SF1: variants seen among roughly 807,000 people sequenced by gnomAD.
The protein encoded by SF1 is splicing factor 1.
SF1 carries 7 observed loss-of-function variants against 62.5 expected under a neutral mutation model. The ratio of observed to expected loss-of-function variants is 0.11; its 90% CI spans 0.06 to 0.21. SF1 has a LOEUF of 0.21. Ranked by LOEUF, SF1 falls within the 10% of genes least tolerant of loss-of-function variation. The pLI is 1.00. For missense variants in SF1, 578 were observed against 884.0 expected (o/e 0.65, Z 4.39); for synonymous variants, 394 against 323.6 (o/e 1.22, Z -2.33).
chr11:64,778,428 C>T lies in SF1; in HGVS notation c.-36G>A, dbSNP rs1051724161. The T allele has an allele frequency of 1.0e-4, 122 of 1,222,828 alleles. No homozygotes were observed. Among genetic ancestry groups the T allele is most frequent in the Non-Finnish European group, 1.2e-4 (114 of 981,096 alleles). The allele number at this position is 1,222,828 out of a possible 1,614,324, so 75.7% of individuals were successfully genotyped here. ...GGGACAGGCACCGGCACCTGCTTTT[C>T]CTCTGCGGCGGCTTCTCCTTCGCAA... On this transcript the variant is annotated 5_prime_UTR_variant, in exon 1 of 13. Transcript: ENST00000377390.
Position 64,770,063 on chromosome 11 carries a change from A to T in SF1, c.390-10T>A, listed in dbSNP as rs1938057524. 6.2e-7 allele frequency: 1 copy of T among 1,610,846 alleles called. No homozygotes were observed. Among genetic ancestry groups the T allele is most frequent in the African/African-American group, 1.3e-5 (1 of 74,964 alleles). ...ACGTGTTGCTGGAGGTCTAAGAAAG[A>T]AAAGCCTGTGTCACCGCACATTTCT... On this transcript the variant is annotated splice_polypyrimidine_tract_variant and intron_variant, in intron 4 of 12. Coordinates refer to ENST00000377390, the MANE Select transcript of SF1 (RefSeq NM_004630.4).
chr11:64,777,836 C>CCG (rs1370746463), intron 1 of SF1: 1 of 959,348 alleles, frequency 1.0e-6, no homozygotes, highest in Admixed American at 6.2e-5. Context: ...TAGAACCAGG[C>CCG]CGCGCGCGCC....
rs368759785 is a variant in SF1, at chr11:64,767,638, C to T, written c.1275G>A (p.Met425Ile). Reference protein sequence around the residue: ...HNPNGPPPPWMQPPPPPMNQG... With the variant: ...HNPNGPPPPWIQPPPPPMNQG... ...GGTTCATCGGTGGTGGTGGTGGCTGCATCCAAGGGGGTGGGGGTCCATTGG... is the reference window on the plus strand; with the variant it reads ...GGTTCATCGGTGGTGGTGGTGGCTGTATCCAAGGGGGTGGGGGTCCATTGG... The change falls in exon 10 of 13, where the codon ATG becomes ATA. Residue 425 changes from methionine (M) to isoleucine (I), a missense_variant. By Grantham distance (10) the Met-to-Ile change is conservative. Coordinates refer to ENST00000377390, the MANE Select transcript of SF1 (RefSeq NM_004630.4). The T allele has an allele frequency of 6.3e-7, 1 of 1,592,106 alleles. No individual in the cohort carries two copies. Among genetic ancestry groups the T allele is most frequent in the African/African-American group, 1.4e-5 (1 of 73,732 alleles).
chr11:64,767,734 G>A lies in SF1; in HGVS notation c.1179C>T (p.Gly393=), dbSNP rs1289632159. The change falls in exon 10 of 13, where the codon GGC becomes GGT. Residue 393 remains glycine (G), a synonymous_variant. Coordinates refer to ENST00000377390, the MANE Select transcript of SF1 (RefSeq NM_004630.4). ...HGGGPGGPGG[G]PHSFPHPLPS... is the part of the protein sequence containing the mutation. The stretch of plus-strand genomic sequence containing the variant: ...GTAATGGGTGTGGGAAGCTGTGGGG[G>A]CCACCTCCGGGCCCACCAGGACCAC... 6.2e-7 allele frequency: 1 copy of A among 1,612,900 alleles called. No individual in the cohort carries two copies. The highest frequency in any genetic ancestry group is 8.5e-7 in the Non-Finnish European group (1 of 1,179,508).
At position 64,765,610 on chromosome 11, in the gene SF1, G is replaced by A. The variant is rs1027885733; in HGVS notation, c.*208C>T. On this transcript the variant is annotated 3_prime_UTR_variant, in exon 13 of 13. Transcript: ENST00000377390. ...CTCGATGCTACGGGGCGCCAGGAGA[G>A]CCCAAGCTGGCGCCCCTACTACCAC... 1.3e-6 allele frequency: 2 copies of A among 1,502,126 alleles called. No individual in the cohort carries two copies. Among genetic ancestry groups the A allele is most frequent in the Non-Finnish European group, 1.8e-6 (2 of 1,134,646 alleles). The allele number at this position is 1,502,126 out of a possible 1,614,324, so 93.0% of individuals were successfully genotyped here.
intron 1 of SF1, chr11:64,778,150 C>T (rs1018096721): frequency 1.2e-6 from 1 of 815,648 alleles, no homozygotes; most frequent in South Asian, 5.7e-5. Flanking sequence ...GCGGCGGCTG[C>T]TGGGGAGGCG....
intron 10 of SF1, 125 bp from the exon 11 acceptor site, chr11:64,767,376 C>CT: frequency 9.2e-7 from 1 of 1,091,134 alleles, no homozygotes; most frequent in Non-Finnish European, 1.4e-6. Context: ...AAAGGCAGGT[C>CT]TGTGCTTACC....
In SF1 at chr11:64,776,628, TA is replaced by T. The variant is rs1301155367; in HGVS notation, c.32-3del. ...TCTTCCGCTTCTTACTTGGGAAGTCTAAAAGGCAGAGACAAAATCCATCCGA... is the reference window on the plus strand; with the variant it reads ...TCTTCCGCTTCTTACTTGGGAAGTCTAAAGGCAGAGACAAAATCCATCCGA... On this transcript the variant is annotated splice_region_variant and splice_polypyrimidine_tract_variant and intron_variant, in intron 1 of 12. Coordinates refer to ENST00000377390, the MANE Select transcript of SF1 (RefSeq NM_004630.4). 1.2e-6 allele frequency: 2 copies of T among 1,603,944 alleles called. No individual in the cohort carries two copies. The highest frequency in any genetic ancestry group is 2.3e-5 in the South Asian group (2 of 88,694).
Position 64,767,678 on chromosome 11 carries a change from G to T in SF1, c.1235C>A (p.Pro412His), listed in dbSNP as rs1335942287. ...GGGTCCATTGGGGTTGTGCTGCATG[G>T]GATGTCCACCATGCCCACCTGTCAG... ...PSLTGGHGGHPMQHNPNGPPP... is the reference protein window; with the variant it reads ...PSLTGGHGGHHMQHNPNGPPP... The change falls in exon 10 of 13, where the codon CCC becomes CAC. Residue 412 changes from proline (P) to histidine (H), a missense_variant. Pro to His is a moderately conservative substitution (Grantham distance 77). Around this residue, in one of 7 missense-constraint regions of SF1, gnomAD observed 410 missense variants for 452.4 expected, o/e 0.91. Coordinates refer to ENST00000377390, the MANE Select transcript of SF1 (RefSeq NM_004630.4). 4.3e-6 allele frequency: 7 copies of T among 1,609,790 alleles called. No homozygotes were observed. The Admixed American group carries it at 6.8e-5, about 16-fold the overall frequency.
At chr11:64,766,853 C>CCCCCCCCCAA in intron 12 of SF1, 47 bp downstream of exon 12, 1 of 673,438 alleles carries the variant, frequency 1.5e-6, no homozygotes, top group Non-Finnish European at 2.6e-6. Flanking sequence ...CCTGTCAGCC[C>CCCCCCCCCAA]CACCCCCATC....
intron 3 of SF1, chr11:64,772,724 A>G (rs991824071): frequency 1.0e-6 from 1 of 983,480 alleles, no homozygotes; most frequent in African/African-American, 1.7e-5. Flanking sequence ...CCCCCACACA[A>G]TTTATTTTTC....
intron 12 of SF1, chr11:64,766,459 C>G (rs1026144648): frequency 1.0e-5 from 5 of 491,064 alleles, no homozygotes; most frequent in Non-Finnish European, 1.4e-5. Context: ...GCCGCCGCCA[C>G]CACCGAACGG....
rs778022442 is a variant in SF1 at position 64,767,768 on chromosome 11, A to G, written c.1145T>C (p.Met382Thr). ...GGGCCCACCAGGACCACCTCCATGCATGCCGTGGTAGGGCCGACTCTCTGA... is the reference window on the plus strand; with the variant it reads ...GGGCCCACCAGGACCACCTCCATGCGTGCCGTGGTAGGGCCGACTCTCTGA... The part of the protein sequence containing the change: ...GPSESRPYHG[M>T]HGGGPGGPGG... Residue 382 changes from methionine (M) to threonine (T), a missense_variant, in exon 10 of 13, where the codon ATG (methionine) becomes ACG (threonine). By Grantham distance (81) the Met-to-Thr change is moderately conservative. This residue lies in a region of SF1 where 410 missense variants were observed against 452.4 expected (regional missense o/e 0.91). Transcript: ENST00000377390. 6.2e-7 allele frequency: 1 copy of G among 1,613,702 alleles called. No individual in the cohort carries two copies. Among genetic ancestry groups the G allele is most frequent in the Non-Finnish European group, 8.5e-7 (1 of 1,179,784 alleles).
In SF1 at chr11:64,765,778, T is replaced by G. The variant is rs918888098; in HGVS notation, c.*40A>C. 1 of 1,498,934 alleles carries G rather than the reference T, an allele frequency of 6.7e-7. No individual in the cohort carries two copies. The highest frequency in any genetic ancestry group is 8.9e-7 in the Non-Finnish European group (1 of 1,126,132). The allele number at this position is 1,498,934 out of a possible 1,614,324, so 92.9% of individuals were successfully genotyped here. A position where few individuals can be genotyped will look rare whatever the true frequency, so the allele number is the denominator to read the frequency against. Reference sequence around the variant, plus strand: ...GTTCGGCGTGTTTAAACGAGACCAATTCTCTCTATATATAATATATATTTT... The same window carrying G: ...GTTCGGCGTGTTTAAACGAGACCAAGTCTCTCTATATATAATATATATTTT... On this transcript the variant is annotated 3_prime_UTR_variant, in exon 13 of 13. Coordinates refer to ENST00000377390, the MANE Select transcript of SF1 (RefSeq NM_004630.4).
chr11:64,777,508 A>G, intron 1 of SF1: 1 of 985,424 alleles, frequency 1.0e-6, no homozygotes, highest in Non-Finnish European at 1.2e-6. Context: ...CCTCTCCCGG[A>G]TGAAAACCCT....
In SF1 at chr11:64,767,856, C is replaced by A; in HGVS notation, c.1069-12G>T. 1 of 1,604,948 alleles carries A rather than the reference C, an allele frequency of 6.2e-7. No individual in the cohort carries two copies. ...GTAGACATGAGAGACTACGTGAGAG[C>A]ATTTCCTGCCAACGTCCCTGCCTGC... On this transcript the variant is annotated splice_polypyrimidine_tract_variant and intron_variant, in intron 9 of 12. Coordinates refer to ENST00000377390, the MANE Select transcript of SF1 (RefSeq NM_004630.4).
At position 64,765,595 on chromosome 11, in the gene SF1, C is replaced by T. The variant is rs1037360946; in HGVS notation, c.*223G>A. 6.6e-6 allele frequency: 10 copies of T among 1,519,480 alleles called. No homozygotes were observed. The highest frequency in any genetic ancestry group is 4.2e-5 in the African/African-American group (3 of 71,526). 94.1% of individuals were successfully genotyped at this position (1,519,480 alleles called of 1,614,324 possible). ...AAGACAAAGAAGACACTCGATGCTA[C>T]GGGGCGCCAGGAGAGCCCAAGCTGG... On this transcript the variant is annotated 3_prime_UTR_variant, in exon 13 of 13. Transcript: ENST00000377390.
rs71581780 is a variant in SF1 at position 64,765,651 on chromosome 11, C to T, written c.*167G>A. ...CTACTACCACCTGCCCGTTCCCAAG[C>T]GAATCCTCAGTCGCTTGGCCCAGCC... On this transcript the variant is annotated 3_prime_UTR_variant, in exon 13 of 13. Transcript: ENST00000377390. The T allele has an allele frequency of 1.3e-5, 20 of 1,489,336 alleles. No individual in the cohort carries two copies. The highest frequency in any genetic ancestry group is 2.3e-5 in the East Asian group (1 of 42,770). 92.3% of individuals were successfully genotyped at this position (1,489,336 alleles called of 1,614,324 possible). A position where few individuals can be genotyped will look rare whatever the true frequency, so the allele number is the denominator to read the frequency against.
At chr11:64,767,997 T>G in intron 9 of SF1, 109 bp downstream of exon 9, 1 of 1,437,180 alleles carries the variant, frequency 7.0e-7, no homozygotes, top group Non-Finnish European at 9.4e-7. Flanking sequence ...AGAACAATGT[T>G]GCCATCCACA....
Sources: gnomAD v4.1 joint callset for allele counts on GRCh38, gnomAD v4.1.1 for gene constraint, gnomAD v4.1.1 regional missense constraint, MANE v1.5 for transcripts, NCBI Gene and HGNC (gene_info 2026-07-23, HGNC 2026-07-21) for gene names.